GALNT13: variants seen among roughly 807,000 people sequenced by gnomAD.
GALNT13 encodes the protein UDP-GalNAc:polypeptide N-acetylgalactosaminyltransferase 13.
Under a neutral mutation model 64.2 loss-of-function variants are expected in GALNT13, and 28 were observed. The ratio of observed to expected loss-of-function variants is 0.44; its 90% confidence interval spans 0.32 to 0.60. The LOEUF is 0.60. Ranked by LOEUF, GALNT13 falls within the 20% of genes least tolerant of loss-of-function variation. The pLI is 0.05. For missense variants in GALNT13, 577 were observed against 669.8 expected, an observed-to-expected ratio of 0.86 and a Z score of 1.53; for synonymous variants, 214 against 224.6, an observed-to-expected ratio of 0.95 and a Z score of 0.42.
At chr2:153,677,432 A>T in the GALNT13 span, among the ~76,000 whole-genome samples, 2 of 151,996 alleles carry the variant, frequency 1.3e-5, no homozygotes, top group Admixed American at 1.3e-4. Context: ...GAAAAACATT[A>T]CATATTCATG....
chr2:153,129,222 G>C, the GALNT13 span, among the ~76,000 whole-genome samples: 2 of 152,068 alleles, frequency 1.3e-5, no homozygotes, highest in African/African-American at 4.8e-5. Flanking sequence ...AATGCAATCT[G>C]GTCTTGCTCG....
the GALNT13 span, among the ~76,000 whole-genome samples, chr2:153,448,107 T>C: frequency 6.6e-6 from 1 of 152,232 alleles, no homozygotes; most frequent in Non-Finnish European, 1.5e-5. Context: ...AAATGAGGTT[T>C]GTGCATCTAT....
chr2:154,101,016 T>A (rs1365452162), intron 3 of GALNT13, among the ~76,000 whole-genome samples: 1 of 152,146 alleles, frequency 6.6e-6, no homozygotes, highest in Non-Finnish European at 1.5e-5. Flanking sequence ...GTTCATTGAT[T>A]TGTGTATGCT....
At chr2:154,363,292 C>T (rs1697181117) in intron 9 of GALNT13, among the ~76,000 whole-genome samples, 1 of 152,176 alleles carries the variant, frequency 6.6e-6, no homozygotes, top group African/African-American at 2.4e-5. Flanking sequence ...ATTCTCAAGC[C>T]TTGGCTTGCT....
intron 4 of GALNT13, among the ~76,000 whole-genome samples, chr2:154,223,556 A>G (rs1688435963): frequency 6.7e-6 from 1 of 148,558 alleles, no homozygotes; most frequent in Non-Finnish European, 1.5e-5. Context: ...GGTTCAAGCG[A>G]TTCTCCTGCC....
chr2:153,713,603 C>T, the GALNT13 span, among the ~76,000 whole-genome samples: 1 of 152,192 alleles, frequency 6.6e-6, no homozygotes, highest in African/African-American at 2.4e-5. Flanking sequence ...CTGCCTCAGC[C>T]TCCTGAGTAG....
At chr2:153,589,874 G>T in the GALNT13 span, among the ~76,000 whole-genome samples, 1 of 152,170 alleles carries the variant, frequency 6.6e-6, no homozygotes, top group Non-Finnish European at 1.5e-5. Context: ...TGAGATTTGT[G>T]TGGGAATACA....
chr2:154,210,570 A>G (rs1176788453), intron 4 of GALNT13, among the ~76,000 whole-genome samples: 4 of 152,192 alleles, frequency 2.6e-5, no homozygotes, highest in Non-Finnish European at 5.9e-5. Context: ...GTTTGACAGA[A>G]AGGCATGGTC....
intron 4 of GALNT13, among the ~76,000 whole-genome samples, chr2:154,205,625 T>G (rs1687402856): frequency 6.6e-6 from 1 of 152,182 alleles, no homozygotes; most frequent in Non-Finnish European, 1.5e-5. Flanking sequence ...TCCATATGGC[T>G]GGGGAGGCCT....
intron 9 of GALNT13, among the ~76,000 whole-genome samples, chr2:154,327,996 G>A (rs958470237): frequency 4.0e-5 from 6 of 151,658 alleles, no homozygotes; most frequent in African/African-American, 1.5e-4. Flanking sequence ...ACTTGTATTT[G>A]TTATATTTTT....
chr2:153,654,305 A>C, the GALNT13 span, among the ~76,000 whole-genome samples: 101 of 152,244 alleles, frequency 6.6e-4, no homozygotes, highest in African/African-American at 2.3e-3. Flanking sequence ...AATTGTGTGG[A>C]TCTTACTTGG....
the GALNT13 span, among the ~76,000 whole-genome samples, chr2:153,607,833 G>A: frequency 6.6e-6 from 1 of 151,954 alleles, no homozygotes; most frequent in African/African-American, 2.4e-5. Context: ...ACACTTACCA[G>A]AAAAAGAAGA....
chr2:153,863,973 C>T, the GALNT13 span, among the ~76,000 whole-genome samples: 44 of 152,130 alleles, frequency 2.9e-4, no homozygotes, highest in African/African-American at 9.9e-4. Context: ...CAGAAGTACA[C>T]GGAAGTTACA....
At chr2:153,345,743 T>A in the GALNT13 span, among the ~76,000 whole-genome samples, 2 of 144,666 alleles carry the variant, frequency 1.4e-5, no homozygotes, top group African/African-American at 2.6e-5. Context: ...CCTTCCTTCC[T>A]TCCTTCCTTC....
At chr2:153,549,454 T>C in the GALNT13 span, among the ~76,000 whole-genome samples, 1 of 152,192 alleles carries the variant, frequency 6.6e-6, no homozygotes. Flanking sequence ...CCTTTCTCCT[T>C]GAAACTGAGA....
the GALNT13 span, among the ~76,000 whole-genome samples, chr2:153,357,825 A>G: frequency 6.6e-6 from 1 of 152,188 alleles, no homozygotes; most frequent in Non-Finnish European, 1.5e-5. Flanking sequence ...TTAATTCTAA[A>G]TATCTGTTTT....
At chr2:153,218,043 C>A in the GALNT13 span, among the ~76,000 whole-genome samples, 1 of 152,200 alleles carries the variant, frequency 6.6e-6, no homozygotes, top group Non-Finnish European at 1.5e-5. Context: ...TTGATGGATA[C>A]CTTGATAGAA....
the GALNT13 span, among the ~76,000 whole-genome samples, chr2:153,268,528 C>T: frequency 6.6e-6 from 1 of 152,192 alleles, no homozygotes; most frequent in African/African-American, 2.4e-5. Flanking sequence ...TGCAAGCTGT[C>T]AGTGGATCTA....
chr2:154,049,808 CTTTTT>C (rs1699485676), intron 3 of GALNT13, among the ~76,000 whole-genome samples: 1 of 151,794 alleles, frequency 6.6e-6, no homozygotes, highest in African/African-American at 2.4e-5. Context: ...TCTAAGAAAT[CTTTTT>C]CTTTTGTTGA....
Sources: allele counts gnomAD v4.1 joint callset (sites outside exome capture counted in the v4.1 genomes callset), GRCh38; gene constraint gnomAD v4.1.1; transcripts MANE v1.5; gene names NCBI Gene and HGNC (gene_info 2026-07-23, HGNC 2026-07-21).